The following RIC3 variants were observed in gnomAD, a reference collection of about 807,000 sequenced individuals.
RIC3 encodes RIC3 acetylcholine receptor chaperone.
In RIC3, 28 loss-of-function variants were observed where a neutral mutation model predicts 27.3. The ratio of observed to expected loss-of-function variants is 1.02; its 90% CI spans 0.76 to 1.41. RIC3 has a LOEUF of 1.41. Ranked by LOEUF, RIC3 falls within the 40% of genes most tolerant of loss-of-function variation. The probability of loss-of-function intolerance (pLI) is 0.00; values close to 1 mark genes in which losing one functional copy is unlikely to be tolerated. For missense variants in RIC3, 501 were observed against 444.7 expected (o/e 1.13, Z -1.14); for synonymous variants, 184 against 160.4 (o/e 1.15, Z -1.11).
At chr11:8,094,033 G>A in the RIC3 span, 1 of 1,614,160 alleles carries the variant, frequency 6.2e-7, no homozygotes. Context: ...ATCTGGGGAT[G>A]TTTCCTGAGC....
At chr11:8,114,606 CA>C (rs58294024) in intron 5 of RIC3, among the ~76,000 whole-genome samples, 20 of 136,642 alleles carry the variant, frequency 1.5e-4, no homozygotes, top group South Asian at 2.4e-4. Context: ...AACTCCATCT[CA>C]AAAAAAAAAA....
At chr11:8,143,484 C>CCT (rs1949299928) in intron 1 of RIC3, among the ~76,000 whole-genome samples, 1 of 149,800 alleles carries the variant, frequency 6.7e-6, no homozygotes, top group Admixed American at 6.7e-5. Flanking sequence ...ATGTGAAGGA[C>CCT]CTCTTCAAGG....
chr11:8,120,934 A>G (rs1218438831), intron 5 of RIC3, among the ~76,000 whole-genome samples: 1 of 152,186 alleles, frequency 6.6e-6, no homozygotes. Flanking sequence ...TACAGGTGAA[A>G]AATATGTACA....
At chr11:8,145,322 T>C (rs1405174496) in intron 1 of RIC3, among the ~76,000 whole-genome samples, 1 of 152,208 alleles carries the variant, frequency 6.6e-6, no homozygotes, top group Non-Finnish European at 1.5e-5. Context: ...TCTCCTTCTC[T>C]ATGGGGCCAT....
At position 8,109,535 on chromosome 11, in the gene RIC3, C is replaced by G. The variant is rs1277305709; in HGVS notation, c.*1163G>C. 6.6e-6 allele frequency: 1 copy of G among 152,008 alleles called. No homozygotes were observed. The highest frequency in any genetic ancestry group is 2.4e-5 in the African/African-American group (1 of 41,378). 9.4% of individuals were successfully genotyped at this position (152,008 alleles called of 1,614,324 possible). A position where few individuals can be genotyped will look rare whatever the true frequency, so the allele number is the denominator to read the frequency against. On this transcript the variant is annotated 3_prime_UTR_variant, in exon 6 of 6. Transcript: ENST00000309737. ...GCTCTCTCAAAAAGACCCAAATATC[C>G]GAGTATGGAACACATGGTCTCTACC...
At position 8,141,906 on chromosome 11, in the gene RIC3, C is replaced by G. The variant is rs1218268830; in HGVS notation, c.125-1713G>C. Among the ~76,000 whole-genome samples, 7 of 152,064 alleles carry G rather than the reference C, an allele frequency of 4.6e-5. No individual in the cohort carries two copies. The South Asian group carries it at 1.2e-3, about 27-fold the overall frequency. On this transcript the variant is annotated intron_variant, in intron 1 of 5. Transcript: ENST00000309737. Reference sequence around the variant, plus strand: ...ACCGCTCAACTACATGGAAACTGAACAACCTGCTCCTGAATGACTACTGGA... The same window carrying G: ...ACCGCTCAACTACATGGAAACTGAAGAACCTGCTCCTGAATGACTACTGGA...
intron 1 of RIC3, among the ~76,000 whole-genome samples, chr11:8,168,387 C>T (rs1489317440): frequency 6.6e-6 from 1 of 152,120 alleles, no homozygotes; most frequent in Non-Finnish European, 1.5e-5. Flanking sequence ...AAGCAGTGAG[C>T]GCCCAGCACC....
In RIC3 at chr11:8,138,309, G is replaced by C; in HGVS notation, c.390C>G (p.Cys130Trp). Residue 130 changes from cysteine (C) to tryptophan (W), a missense_variant, in exon 3 of 6, where the codon TGC becomes TGG. Cys to Trp is a radical substitution (Grantham distance 215). Coordinates refer to ENST00000309737, the MANE Select transcript of RIC3 (RefSeq NM_001206671.4). ...KGKTTAEDGK[C>W]YTAMPGNTHR... ...GGGTGTTTCCAGGCATGGCAGTATA[G>C]CATTTCCCATCCTCTGCAGTTGTTT... is the stretch of plus-strand genomic sequence containing the variant. 3 of 1,613,436 alleles carry C rather than the reference G, an allele frequency of 1.9e-6. No individual in the cohort carries two copies. Among genetic ancestry groups the C allele is most frequent in the Non-Finnish European group, 2.5e-6 (3 of 1,179,528 alleles).
intron 1 of RIC3, among the ~76,000 whole-genome samples, chr11:8,163,499 A>T (rs58562295): frequency 0.047 from 7,179 of 152,190 alleles, 265 homozygotes; most frequent in African/African-American, 0.1. Flanking sequence ...AAAAAGTAAA[A>T]CTATCTCTAT....
intron 4 of RIC3, among the ~76,000 whole-genome samples, chr11:8,133,778 G>A (rs1688022252): frequency 6.6e-6 from 1 of 152,180 alleles, no homozygotes; most frequent in Admixed American, 6.5e-5. Context: ...GTAGTTAGAG[G>A]TTATAGTATT....
chr11:8,167,616 A>G (rs1405414371), intron 1 of RIC3, among the ~76,000 whole-genome samples: 2 of 150,662 alleles, frequency 1.3e-5, no homozygotes, highest in African/African-American at 4.9e-5. Flanking sequence ...GTACTTGTTC[A>G]AGATAATTCA....
At chr11:8,126,530 G>A (rs765540849) in intron 5 of RIC3, 129 bp downstream of exon 5, 415 of 1,063,088 alleles carry the variant, frequency 3.9e-4, no homozygotes, top group Admixed American at 5.5e-4. Flanking sequence ...TCATCCAACC[G>A]TACATTTAAA....
chr11:8,099,216 C>T, the RIC3 span, among the ~76,000 whole-genome samples: 3 of 152,144 alleles, frequency 2.0e-5, no homozygotes, highest in Non-Finnish European at 2.9e-5. Context: ...CCAGGTTCTA[C>T]ATGGATTACA....
chr11:8,163,113 A>C (rs1951352959), intron 1 of RIC3, among the ~76,000 whole-genome samples: 1 of 151,972 alleles, frequency 6.6e-6, no homozygotes. Context: ...TAGCCAAGGA[A>C]GGTAAAGCTG....
At chr11:8,100,295 A>G in the RIC3 span, among the ~76,000 whole-genome samples, 1 of 152,206 alleles carries the variant, frequency 6.6e-6, no homozygotes, top group Non-Finnish European at 1.5e-5. Flanking sequence ...CGTGAGCAGA[A>G]GCAAGGATGA....
At chr11:8,154,958 A>C (rs1209191542) in intron 1 of RIC3, among the ~76,000 whole-genome samples, 1 of 152,120 alleles carries the variant, frequency 6.6e-6, no homozygotes, top group East Asian at 1.9e-4. Context: ...TAATTATTAA[A>C]ATTTAATCCC....
At chr11:8,145,342 T>C (rs956713890) in intron 1 of RIC3, among the ~76,000 whole-genome samples, 1 of 152,124 alleles carries the variant, frequency 6.6e-6, no homozygotes, top group African/African-American at 2.4e-5. Flanking sequence ...TAAGGTTTTT[T>C]CTTTGTTTTT....
At chr11:8,098,888 T>A in the RIC3 span, 1 of 1,578,952 alleles carries the variant, frequency 6.3e-7, no homozygotes, top group African/African-American at 1.3e-5. Context: ...GAGTCCTAGG[T>A]TCGGGGGTCT....
At chr11:8,120,658 C>G (rs1946335924) in intron 5 of RIC3, among the ~76,000 whole-genome samples, 1 of 151,612 alleles carries the variant, frequency 6.6e-6, no homozygotes, top group Non-Finnish European at 1.5e-5. Flanking sequence ...CACATGTACC[C>G]TAGAACTTAA....
Sources: gnomAD v4.1 joint callset for allele counts (sites outside exome capture counted in the v4.1 genomes callset) on GRCh38, gnomAD v4.1.1 for gene constraint, MANE v1.5 for transcripts, NCBI Gene and HGNC (gene_info 2026-07-23, HGNC 2026-07-21) for gene names.